The following CFAP74 variants were observed in gnomAD, a reference collection of about 807,000 sequenced individuals.
CFAP74 encodes the protein cilia- and flagella-associated protein 74.
Under a neutral mutation model 188.9 loss-of-function variants are expected in CFAP74, and 124 were observed. That is an observed-to-expected ratio of 0.66 (90% CI 0.57 to 0.76). The LOEUF (loss-of-function observed/expected upper bound fraction) is 0.76. Among genes scored for constraint, CFAP74 ranks in the 30% least tolerant of loss-of-function variants. The pLI, the probability that CFAP74 is intolerant of heterozygous loss-of-function variation, is 0.00. For synonymous variants in CFAP74, 956 were observed against 916.7 expected, an observed-to-expected ratio of 1.04 and a Z score of -0.77; for missense variants, 2,198 against 2,165.2, an observed-to-expected ratio of 1.02 and a Z score of -0.30.
At position 1,974,128 on chromosome 1, in the gene CFAP74, C is replaced by A; in HGVS notation, c.571G>T (p.Val191Leu). Reference sequence around the variant, plus strand: ...TGGAGCCGCCGCCCCGTGGCCTCCACCTCCTCACGGTCAGCTGTCCGGAAG... The same window carrying A: ...TGGAGCCGCCGCCCCGTGGCCTCCAACTCCTCACGGTCAGCTGTCCGGAAG... ...EAFRTADREE[V>L]EATGRRLQVR... is the part of the protein sequence containing the mutation. Residue 191 changes from valine (V) to leucine (L), a missense_variant, in exon 7 of 39, where the codon GTG (valine) becomes TTG (leucine). Transcript: ENST00000682832. The A allele has an allele frequency of 6.2e-7, 1 of 1,612,776 alleles. No individual in the cohort carries two copies. The highest frequency in any genetic ancestry group is 8.5e-7 in the Non-Finnish European group (1 of 1,179,394).
rs552669932 is a variant in CFAP74 at position 1,956,477 on chromosome 1, C to T, written c.2016+143G>A. 1.4e-5 allele frequency: 13 copies of T among 962,094 alleles called. No homozygotes were observed. In the East Asian group the frequency reaches 3.1e-4, roughly 23 times the overall value. 59.6% of individuals were successfully genotyped at this position (962,094 alleles called of 1,614,324 possible). On this transcript the variant is annotated intron_variant, in intron 17 of 38. Coordinates refer to ENST00000682832, the MANE Select transcript of CFAP74 (RefSeq NM_001304360.2). Reference sequence around the variant, plus strand: ...AAGAAGCTGGTCTCTTCTGCTTAGGCTGATTTGAGGAGGCCCCCACACTGC... The same window carrying T: ...AAGAAGCTGGTCTCTTCTGCTTAGGTTGATTTGAGGAGGCCCCCACACTGC...
intron 8 of CFAP74, 23 bp from the exon 9 acceptor site, chr1:1,972,105 T>A: frequency 6.3e-7 from 1 of 1,583,428 alleles, no homozygotes; most frequent in Non-Finnish European, 8.6e-7. Context: ...ATTTAAACAT[T>A]TTTGAGGCTC....
rs1282783985 is a variant in CFAP74, at chr1:1,926,067, T to C, written c.3949-129A>G. Reference sequence around the variant, plus strand: ...TCTGGGGGGGCTCTGTCAGCTCCGCTCACTTGGCGGCTGGTGTGAGGGCCT... The same window carrying C: ...TCTGGGGGGGCTCTGTCAGCTCCGCCCACTTGGCGGCTGGTGTGAGGGCCT... On this transcript the variant is annotated intron_variant, in intron 32 of 38. Coordinates refer to ENST00000682832, the MANE Select transcript of CFAP74 (RefSeq NM_001304360.2). 3 of 1,399,572 alleles carry C rather than the reference T, an allele frequency of 2.1e-6. No homozygotes were observed. The East Asian group carries it at 7.5e-5, about 35-fold the overall frequency. The allele number at this position is 1,399,572 out of a possible 1,614,324, so 86.7% of individuals were successfully genotyped here. A position where few individuals can be genotyped will look rare whatever the true frequency, so the allele number is the denominator to read the frequency against.
chr1:1,928,572 C>G (rs753908948), intron 27 of CFAP74, among the ~76,000 whole-genome samples: 48 of 152,338 alleles, frequency 3.2e-4, no homozygotes, highest in Non-Finnish European at 6.2e-4. Flanking sequence ...CTTCCCTGCT[C>G]CCGCCTGGCA....
At chr1:1,967,357 C>T (rs373190200) in intron 11 of CFAP74, among the ~76,000 whole-genome samples, 23 of 136,262 alleles carry the variant, frequency 1.7e-4, no homozygotes, top group South Asian at 1.3e-3. Context: ...GAAGTCTGGA[C>T]GGGGCCAGCG....
intron 2 of CFAP74, among the ~76,000 whole-genome samples, chr1:1,989,887 TA>T (rs774794508): frequency 6.6e-6 from 1 of 152,160 alleles, no homozygotes; most frequent in Admixed American, 6.5e-5. Context: ...GAGGGTCCCT[TA>T]GTGTCCTTCA....
chr1:1,926,662 G>A lies in CFAP74; in HGVS notation c.3762C>T (p.Asp1254=), dbSNP rs370702204. The change falls in exon 30 of 39, where the codon GAC becomes GAT. Residue 1254 remains aspartate (D), a synonymous_variant. Transcript: ENST00000682832. The part of the protein sequence containing the change: ...HKGKTIFNFG[D]VAVGHRSIKK... ...GGCTTAGCGTCTCACCCACAGCGAC[G>A]TCGCCGAAGTTAAAGATGGTCTTGC... is the stretch of plus-strand genomic sequence containing the variant. 2.7e-5 allele frequency: 42 copies of A among 1,549,990 alleles called. No individual in the cohort carries two copies. Among genetic ancestry groups the A allele is most frequent in the Admixed American group, 7.8e-5 (4 of 50,998 alleles).
chr1:1,993,981 C>A (rs1657775171), intron 1 of CFAP74, among the ~76,000 whole-genome samples: 2 of 150,054 alleles, frequency 1.3e-5, no homozygotes, highest in South Asian at 4.2e-4. Context: ...GACTCCGTCT[C>A]AAAAAAAATA....
intron 1 of CFAP74, among the ~76,000 whole-genome samples, chr1:1,991,771 G>T (rs1047242061): frequency 6.6e-6 from 1 of 152,156 alleles, no homozygotes. Context: ...TGGGCGTGGT[G>T]GCTCACACCT....
intron 6 of CFAP74, among the ~76,000 whole-genome samples, chr1:1,981,118 C>T (rs1464192732): frequency 6.6e-6 from 1 of 152,226 alleles, no homozygotes; most frequent in Non-Finnish European, 1.5e-5. Context: ...CACACCCGTG[C>T]TATTTCGTTT....
chr1:1,949,305 C>T (rs79297580), intron 18 of CFAP74, among the ~76,000 whole-genome samples: 11,080 of 151,590 alleles, frequency 0.073, 566 homozygotes, highest in South Asian at 0.19. Flanking sequence ...ATTACAGGTG[C>T]GTGCCACGAT....
intron 1 of CFAP74, among the ~76,000 whole-genome samples, chr1:1,998,325 G>C (rs541730950): frequency 6.6e-6 from 1 of 152,104 alleles, no homozygotes; most frequent in Non-Finnish European, 1.5e-5. Context: ...TGATGATTTT[G>C]TGGTTATGCT....
chr1:1,939,906 A>T (rs990654383), intron 23 of CFAP74, 139 bp from the exon 24 acceptor site: 4 of 859,890 alleles, frequency 4.7e-6, no homozygotes, highest in Admixed American at 5.1e-5. Context: ...CCGTCTCTTC[A>T]TAAAACCCAC....
chr1:1,946,806 C>A (rs1189775416), intron 19 of CFAP74, among the ~76,000 whole-genome samples, 184 bp downstream of exon 19: 1 of 152,216 alleles, frequency 6.6e-6, no homozygotes, highest in African/African-American at 2.4e-5. Flanking sequence ...TGGCCCCATG[C>A]CAGCTGAGAT....
chr1:1,959,265 G>GT (rs1172910346), intron 15 of CFAP74, 56 bp from the exon 16 acceptor site: 55,240 of 977,696 alleles, frequency 0.057, no homozygotes, highest in South Asian at 0.071. Context: ...TGTGTGTTTT[G>GT]TTTTTTTTTT....
Position 1,935,006 on chromosome 1 carries a change from T to C in CFAP74, c.3011+3849A>G, listed in dbSNP as rs1419385384. Among the ~76,000 whole-genome samples the C allele has an allele frequency of 2.4e-5, 2 of 81,816 alleles. 1 individual carries two copies. Among genetic ancestry groups the C allele is most frequent in the Non-Finnish European group, 5.1e-5 (2 of 39,476 alleles). The allele number at this position is 81,816 out of a possible 152,430, so 53.7% of individuals were successfully genotyped here. On this transcript the variant is annotated intron_variant, in intron 25 of 38. Coordinates refer to ENST00000682832, the MANE Select transcript of CFAP74 (RefSeq NM_001304360.2). Reference sequence around the variant, plus strand: ...GTTAGGTTGTAGGTACACACGTGTGTATGTGTGTTGCTGTGGGTACACACG... The same window carrying C: ...GTTAGGTTGTAGGTACACACGTGTGCATGTGTGTTGCTGTGGGTACACACG...
In CFAP74 at chr1:1,927,724, T is replaced by TG; in HGVS notation, c.3409dup (p.Gln1137ProfsTer60). 6.5e-7 allele frequency: 1 copy of TG among 1,549,990 alleles called. No individual in the cohort carries two copies. Among genetic ancestry groups the TG allele is most frequent in the Non-Finnish European group, 8.7e-7 (1 of 1,146,732 alleles). On this transcript the variant is annotated frameshift_variant, in exon 28 of 39. Coordinates refer to ENST00000682832, the MANE Select transcript of CFAP74 (RefSeq NM_001304360.2). LOFTEE classifies it high-confidence loss of function. ...TGACAGTCCATGCAGGTCCTTCCTC[T>TG]GGGGGGCCATATTCTTTCGGAACTG...
chr1:1,928,811 G>T lies in CFAP74; in HGVS notation c.3360C>A (p.Leu1120=). The T allele has an allele frequency of 6.5e-7, 1 of 1,535,680 alleles. No individual in the cohort carries two copies. Among genetic ancestry groups the T allele is most frequent in the Non-Finnish European group, 8.7e-7 (1 of 1,146,728 alleles). ...EKLIRQEALP[L]LNKEMETKSF... ...ATTTGGTCTCCATTTCTTTGTTCAG[G>T]AGTGGGAGGGCTTCCTGGCGGATCA... is the stretch of plus-strand genomic sequence containing the variant. Residue 1120 remains leucine, a synonymous_variant, in exon 27 of 39, where the codon CTC becomes CTA. Coordinates refer to ENST00000682832, the MANE Select transcript of CFAP74 (RefSeq NM_001304360.2).
intron 11 of CFAP74, among the ~76,000 whole-genome samples, chr1:1,967,535 C>T (rs1271591456): frequency 4.6e-5 from 7 of 151,954 alleles, no homozygotes; most frequent in African/African-American, 1.2e-4. Context: ...CGGCGTGAGA[C>T]GGGCAGTGAG....
Sources: allele counts gnomAD v4.1 joint callset (sites outside exome capture counted in the v4.1 genomes callset), GRCh38; gene constraint gnomAD v4.1.1; transcripts MANE v1.5; gene names NCBI Gene and HGNC (gene_info 2026-07-23, HGNC 2026-07-21).